The following SYT1 variants were observed in gnomAD, a reference collection of about 807,000 sequenced individuals.
The protein encoded by SYT1 is synaptotagmin-1.
Under a neutral mutation model 44.8 loss-of-function variants are expected in SYT1, and 8 were observed. The ratio of observed to expected loss-of-function variants is 0.18; its 90% CI spans 0.10 to 0.32. The LOEUF (loss-of-function observed/expected upper bound fraction) is 0.32. Among genes scored for constraint, SYT1 ranks in the 10% least tolerant of loss-of-function variants. The pLI, the probability that SYT1 is intolerant of heterozygous loss-of-function variation, is 1.00. For missense variants in SYT1, 286 were observed against 509.3 expected (o/e 0.56, Z 4.22); for synonymous variants, 154 against 188.8 (o/e 0.82, Z 1.51).
At chr12:79,185,867 TTTTTAAATC>T (rs1371809094) in intron 3 of SYT1, among the ~76,000 whole-genome samples, 38 of 86,868 alleles carry the variant, frequency 4.4e-4, no homozygotes, top group African/African-American at 1.7e-3. Flanking sequence ...TACTCTCCAT[TTTTTAAATC>T]TTCAACATTT....
intron 2 of SYT1, among the ~76,000 whole-genome samples, chr12:79,016,430 TG>T (rs1644149215): frequency 6.6e-6 from 1 of 152,198 alleles, no homozygotes; most frequent in African/African-American, 2.4e-5. Flanking sequence ...TCATACTGGT[TG>T]TAATTATACT....
chr12:78,915,235 C>A (rs976534904), intron 1 of SYT1, among the ~76,000 whole-genome samples: 2 of 151,996 alleles, frequency 1.3e-5, no homozygotes, highest in African/African-American at 4.8e-5. Flanking sequence ...AAGCACTGAA[C>A]CCCCTGCTAC....
chr12:79,175,414 G>A (rs1247649576), intron 3 of SYT1, among the ~76,000 whole-genome samples: 1 of 152,004 alleles, frequency 6.6e-6, no homozygotes, highest in East Asian at 1.9e-4. Context: ...AAACTTAAAT[G>A]GGAAACATTA....
intron 9 of SYT1, among the ~76,000 whole-genome samples, chr12:79,381,267 T>C (rs1229271172): frequency 6.6e-6 from 1 of 152,214 alleles, no homozygotes; most frequent in Non-Finnish European, 1.5e-5. Flanking sequence ...AGTAACACAT[T>C]CTTTCTTCAA....
chr12:78,949,104 G>C (rs1012166075), intron 1 of SYT1, among the ~76,000 whole-genome samples: 1 of 151,264 alleles, frequency 6.6e-6, no homozygotes, highest in Non-Finnish European at 1.5e-5. Context: ...ATTGGCTATA[G>C]GACTTCTCCA....
intron 9 of SYT1, among the ~76,000 whole-genome samples, chr12:79,355,295 G>A (rs1335739764): frequency 1.3e-5 from 2 of 152,062 alleles, no homozygotes; most frequent in Non-Finnish European, 2.9e-5. Context: ...AGAAGGAAGG[G>A]TACCTGCAAT....
intron 3 of SYT1, among the ~76,000 whole-genome samples, chr12:79,049,987 A>G (rs1381312644): frequency 6.6e-6 from 1 of 152,038 alleles, no homozygotes; most frequent in African/African-American, 2.4e-5. Flanking sequence ...AGACCACTGG[A>G]AAGTGTATTC....
At chr12:79,105,409 T>G (rs907879860) in intron 3 of SYT1, among the ~76,000 whole-genome samples, 1 of 152,068 alleles carries the variant, frequency 6.6e-6, no homozygotes, top group African/African-American at 2.4e-5. Context: ...TAATGGAAAA[T>G]GAGTCTACAA....
intron 1 of SYT1, among the ~76,000 whole-genome samples, chr12:78,969,370 G>A (rs552116237): frequency 4.6e-5 from 7 of 152,208 alleles, no homozygotes; most frequent in African/African-American, 1.2e-4. Flanking sequence ...GGTGACATTC[G>A]GAAAAAGACC....
At chr12:79,005,269 T>C (rs751095547) in intron 2 of SYT1, among the ~76,000 whole-genome samples, 6 of 152,022 alleles carry the variant, frequency 3.9e-5, no homozygotes, top group Non-Finnish European at 8.8e-5. Flanking sequence ...ATGTTTTTCA[T>C]GATAATATTT....
rs181186537 is a variant in SYT1 at position 79,196,391 on chromosome 12, T to C, written c.-17-21112T>C. ...CCATGTTGGCCAGGATGGTCTCGAT[T>C]TCTTGACCTCGTGATCCGCCCTCCT... On this transcript the variant is annotated intron_variant, in intron 3 of 10. Coordinates refer to ENST00000261205, the MANE Select transcript of SYT1 (RefSeq NM_005639.3). Among the ~76,000 whole-genome samples, 44 of 152,074 alleles carry C rather than the reference T, an allele frequency of 2.9e-4. No individual in the cohort carries two copies. In the East Asian group the frequency reaches 8.4e-3, roughly 29 times the overall value.
chr12:79,227,624 T>C (rs1032089962), intron 4 of SYT1, among the ~76,000 whole-genome samples: 3 of 152,196 alleles, frequency 2.0e-5, no homozygotes, highest in African/African-American at 7.2e-5. Context: ...AGCCATAGAC[T>C]ACAAGAGTTC....
chr12:78,919,372 A>G (rs1876851555), intron 1 of SYT1, among the ~76,000 whole-genome samples: 1 of 152,060 alleles, frequency 6.6e-6, no homozygotes, highest in Non-Finnish European at 1.5e-5. Context: ...ACCAGGTGAG[A>G]CCAGGGAGCT....
chr12:79,203,317 C>T (rs1396484361), intron 3 of SYT1, among the ~76,000 whole-genome samples: 1 of 152,118 alleles, frequency 6.6e-6, no homozygotes, highest in East Asian at 1.9e-4. Context: ...ATCTATCTGC[C>T]TTCCCTTTCA....
intron 8 of SYT1, among the ~76,000 whole-genome samples, chr12:79,301,097 G>C (rs967699937): frequency 1.3e-5 from 2 of 151,864 alleles, no homozygotes; most frequent in Non-Finnish European, 2.9e-5. Flanking sequence ...GTTTGACTTT[G>C]TGTAAATTTT....
At chr12:79,073,363 C>A (rs953909967) in intron 3 of SYT1, among the ~76,000 whole-genome samples, 4 of 152,106 alleles carry the variant, frequency 2.6e-5, no homozygotes, top group Non-Finnish European at 5.9e-5. Context: ...ACCATCTTAA[C>A]AGGAGGAGAT....
At position 79,217,682 on chromosome 12, in the gene SYT1, C is replaced by A. The variant is rs748855887; in HGVS notation, c.163C>A (p.Pro55Thr). The part of the protein sequence containing the change: ...EKFMNELHKI[P>T]LPPWALIAIA... ...GTTTATGAATGAGTTGCATAAAATTCCATGTGAGTATTCTATATTAGTACT... is the reference window on the plus strand; with the variant it reads ...GTTTATGAATGAGTTGCATAAAATTACATGTGAGTATTCTATATTAGTACT... The change falls in exon 4 of 11, where the codon CCA becomes ACA. Residue 55 changes from proline to threonine, a missense_variant. Pro to Thr is a conservative substitution (Grantham distance 38). Coordinates refer to ENST00000261205, the MANE Select transcript of SYT1 (RefSeq NM_005639.3). The A allele has an allele frequency of 6.2e-7, 1 of 1,610,686 alleles. No homozygotes were observed. Among genetic ancestry groups the A allele is most frequent in the Non-Finnish European group, 8.5e-7 (1 of 1,178,360 alleles).
chr12:79,212,888 C>T (rs1874545781), intron 3 of SYT1, among the ~76,000 whole-genome samples: 1 of 152,172 alleles, frequency 6.6e-6, no homozygotes, highest in African/African-American at 2.4e-5. Flanking sequence ...ACTCCAGTTA[C>T]TTCTGTAAAA....
rs942799612 is a variant in SYT1, at chr12:78,939,671, A to G, written c.-216-38128A>G. On this transcript the variant is annotated intron_variant, in intron 1 of 10. Coordinates refer to ENST00000261205, the MANE Select transcript of SYT1 (RefSeq NM_005639.3). ...TGTATGAGAGAAACTGGGACTCTAG[A>G]TTCACTTTCTGCACTTACCAAGAAT... Among the ~76,000 whole-genome samples, 3 of 152,212 alleles carry G rather than the reference A, an allele frequency of 2.0e-5. No individual in the cohort carries two copies. In the East Asian group the frequency reaches 5.8e-4, roughly 29 times the overall value.
Sources: allele counts gnomAD v4.1 joint callset (sites outside exome capture counted in the v4.1 genomes callset), GRCh38; gene constraint gnomAD v4.1.1; transcripts MANE v1.5; gene names NCBI Gene and HGNC (gene_info 2026-07-23, HGNC 2026-07-21).